MPP7: variants seen among roughly 807,000 people sequenced by gnomAD.
MPP7 encodes the protein MAGUK p55 subfamily member 7.
MPP7 carries 60 observed loss-of-function variants against 76.5 expected under a neutral mutation model. The ratio of observed to expected loss-of-function variants is 0.78; its 90% CI spans 0.64 to 0.97. The LOEUF is 0.97. Among genes scored for constraint, MPP7 ranks in the 50% least tolerant of loss-of-function variants. The pLI, the probability that MPP7 is intolerant of heterozygous loss-of-function variation, is 0.00. For synonymous variants in MPP7, 237 were observed against 244.5 expected (o/e 0.97, Z 0.29); for missense variants, 641 against 694.0 (o/e 0.92, Z 0.86).
intron 1 of MPP7, among the ~76,000 whole-genome samples, chr10:28,300,120 G>A (rs1841121277): frequency 6.6e-6 from 1 of 152,116 alleles, no homozygotes; most frequent in Non-Finnish European, 1.5e-5. Context: ...GCAATTAGGA[G>A]AGAAACAGCT....
intron 2 of MPP7, among the ~76,000 whole-genome samples, chr10:28,223,446 T>A (rs1838585868): frequency 6.6e-6 from 1 of 152,180 alleles, no homozygotes; most frequent in Non-Finnish European, 1.5e-5. Context: ...ATGCTCAAAT[T>A]TGCAGCATGA....
intron 13 of MPP7, among the ~76,000 whole-genome samples, chr10:28,060,171 A>G (rs1851722875): frequency 6.6e-6 from 1 of 151,822 alleles, no homozygotes; most frequent in Admixed American, 6.6e-5. Flanking sequence ...TCTTCTTCTC[A>G]TGGGACATAG....
At chr10:28,333,835 C>T (rs993117837) in intron 1 of MPP7, among the ~76,000 whole-genome samples, 1 of 152,066 alleles carries the variant, frequency 6.6e-6, no homozygotes, top group African/African-American at 2.4e-5. Context: ...ACATCCAAAC[C>T]CAGATGTAGA....
intron 5 of MPP7, 94 bp from the exon 6 acceptor site, chr10:28,131,785 G>T: frequency 1.7e-6 from 1 of 595,606 alleles, no homozygotes; most frequent in Non-Finnish European, 2.2e-6. Context: ...CAAACTATAA[G>T]GAAAATCAAA....
At chr10:28,281,615 GTTAA>G (rs1458915821) in intron 1 of MPP7, among the ~76,000 whole-genome samples, 1 of 152,066 alleles carries the variant, frequency 6.6e-6, no homozygotes, top group Non-Finnish European at 1.5e-5. Flanking sequence ...CAACAATACT[GTTAA>G]TTAATAATAG....
chr10:28,122,020 AAAT>A (rs1302530009), intron 8 of MPP7, among the ~76,000 whole-genome samples: 1 of 152,232 alleles, frequency 6.6e-6, no homozygotes, highest in Non-Finnish European at 1.5e-5. Context: ...CTGATAGTTT[AAAT>A]AATAGAATTT....
At chr10:28,179,605 C>T (rs1231941144) in intron 3 of MPP7, among the ~76,000 whole-genome samples, 3 of 152,136 alleles carry the variant, frequency 2.0e-5, no homozygotes, top group Non-Finnish European at 4.4e-5. Flanking sequence ...ACTGCTTTGG[C>T]CTGAATTTGC....
chr10:28,314,430 T>G (rs2078866703), intron 2 of MPP7, among the ~76,000 whole-genome samples: 1 of 152,180 alleles, frequency 6.6e-6, no homozygotes, highest in African/African-American at 2.4e-5. Context: ...GGCAGATAGT[T>G]TCTGAATAGG....
intron 2 of MPP7, among the ~76,000 whole-genome samples, chr10:28,310,536 A>T (rs1054509629): frequency 8.5e-5 from 13 of 152,088 alleles, no homozygotes; most frequent in African/African-American, 2.7e-4. Flanking sequence ...TACCATAAAC[A>T]TGTGCATATG....
chr10:28,126,819 G>C (rs373528315), intron 6 of MPP7, among the ~76,000 whole-genome samples: 2 of 152,120 alleles, frequency 1.3e-5, no homozygotes, highest in African/African-American at 4.8e-5. Flanking sequence ...TGCTCTATGC[G>C]AATCTCACTG....
chr10:28,309,991 GC>G (rs1465498898), intron 2 of MPP7, among the ~76,000 whole-genome samples: 1 of 144,618 alleles, frequency 6.9e-6, no homozygotes, highest in Non-Finnish European at 1.5e-5. Flanking sequence ...GGGAGCCAAT[GC>G]CAATTAAACC....
intron 12 of MPP7, among the ~76,000 whole-genome samples, chr10:28,080,267 C>T (rs1852698186): frequency 6.6e-6 from 1 of 152,172 alleles, no homozygotes; most frequent in Admixed American, 6.5e-5. Flanking sequence ...TCTCACTCTA[C>T]TTCAAAACTA....
intron 3 of MPP7, among the ~76,000 whole-genome samples, chr10:28,169,759 C>T (rs1169075721): frequency 6.6e-6 from 1 of 152,138 alleles, no homozygotes; most frequent in Non-Finnish European, 1.5e-5. Flanking sequence ...GTTAGAAACA[C>T]AGCTGACTTT....
At position 28,110,188 on chromosome 10, in the gene MPP7, C is replaced by G. The variant is rs555868477; in HGVS notation, c.952+9463G>C. Among the ~76,000 whole-genome samples the G allele has an allele frequency of 1.0e-3, 153 of 151,810 alleles. 2 individuals are homozygous for G. Among genetic ancestry groups the G allele is most frequent in the African/African-American group, 3.5e-3 (144 of 41,398 alleles). On this transcript the variant is annotated intron_variant, in intron 11 of 16. Coordinates refer to ENST00000683449, the MANE Select transcript of MPP7 (RefSeq NM_001318170.2). The stretch of plus-strand genomic sequence containing the variant: ...TCACTGCAACCTCCGCTCCTGAGTT[C>G]AAGCGATTCTCCTGCCTCTGCCTCC...
intron 11 of MPP7, chr10:28,118,826 A>T (rs939635926): frequency 4.6e-5 from 45 of 985,274 alleles, no homozygotes; most frequent in Middle Eastern, 5.2e-4. Context: ...ATCACAGGAG[A>T]TGTGAAAAAT....
At chr10:28,260,191 C>T (rs1839904360) in intron 1 of MPP7, among the ~76,000 whole-genome samples, 1 of 152,114 alleles carries the variant, frequency 6.6e-6, no homozygotes, top group African/African-American at 2.4e-5. Context: ...TTGAGTCCAT[C>T]CCTCTTTCTA....
intron 1 of MPP7, among the ~76,000 whole-genome samples, chr10:28,267,584 G>A (rs572420059): frequency 5.8e-4 from 89 of 152,276 alleles, no homozygotes; most frequent in African/African-American, 2.1e-3. Flanking sequence ...TGGATTTTCA[G>A]ATTAGGGATG....
At chr10:28,262,932 T>C (rs777773694) in intron 1 of MPP7, among the ~76,000 whole-genome samples, 14 of 152,114 alleles carry the variant, frequency 9.2e-5, no homozygotes, top group Non-Finnish European at 1.8e-4. Flanking sequence ...GGCATGTGCC[T>C]ATAATCCCAG....
At chr10:28,298,675 C>G (rs971972005) in intron 1 of MPP7, among the ~76,000 whole-genome samples, 1 of 152,202 alleles carries the variant, frequency 6.6e-6, no homozygotes, top group Non-Finnish European at 1.5e-5. Context: ...GTCAGCCTGG[C>G]CTTTGAGGTG....
Sources: gnomAD v4.1 joint callset for allele counts (sites outside exome capture counted in the v4.1 genomes callset) on GRCh38, gnomAD v4.1.1 for gene constraint, MANE v1.5 for transcripts, NCBI Gene and HGNC (gene_info 2026-07-23, HGNC 2026-07-21) for gene names.